The following BCAS3 variants were observed in gnomAD, a reference collection of about 807,000 sequenced individuals.
The protein encoded by BCAS3 is BCAS4/BCAS3 fusion.
In BCAS3, 53 loss-of-function variants were observed where a neutral mutation model predicts 116.1. The observed-to-expected ratio is 0.46, with a 90% CI of 0.37 to 0.57. The LOEUF (loss-of-function observed/expected upper bound fraction) is 0.57. BCAS3 is among the 20% of genes least tolerant of loss of function. The probability of loss-of-function intolerance (pLI) is 0.00; values close to 1 mark genes in which losing one functional copy is unlikely to be tolerated. For missense variants in BCAS3, 917 were observed against 1,165.4 expected (o/e 0.79, Z 3.10); for synonymous variants, 391 against 408.2 (o/e 0.96, Z 0.51).
rs376385000 is a variant in BCAS3, at chr17:61,256,518, G to A, written c.2426-111809G>A. Among the ~76,000 whole-genome samples the A allele has an allele frequency of 4.5e-4, 68 of 152,100 alleles. No individual in the cohort carries two copies. The South Asian group carries it at 1.0e-2, about 22-fold the overall frequency. Reference sequence around the variant, plus strand: ...AGGGTTTTGCCATGTTTGCCAGGCCGGTCTCAAACTCCTGGCCTCAAGTGA... The same window carrying A: ...AGGGTTTTGCCATGTTTGCCAGGCCAGTCTCAAACTCCTGGCCTCAAGTGA... On this transcript the variant is annotated intron_variant, in intron 22 of 23. Transcript: ENST00000407086. The surrounding 1 kb of genome is among the most constrained non-coding windows in gnomAD (Gnocchi z 5.6).
chr17:60,835,155 A>G (rs9907949), intron 7 of BCAS3, among the ~76,000 whole-genome samples: 28,587 of 151,884 alleles, frequency 0.19, 3,273 homozygotes, highest in African/African-American at 0.32. Context: ...TTAAATTCAT[A>G]TATCTTCCAA....
At chr17:61,163,381 G>A (rs939504697) in intron 22 of BCAS3, among the ~76,000 whole-genome samples, 2 of 150,226 alleles carry the variant, frequency 1.3e-5, no homozygotes, top group Non-Finnish European at 3.0e-5. Context: ...CCGAGATCAC[G>A]CCACTGCATT....
At position 61,324,306 on chromosome 17, in the gene BCAS3, G is replaced by A. The variant is rs1381637843; in HGVS notation, c.2426-44021G>A. Among the ~76,000 whole-genome samples the A allele has an allele frequency of 6.6e-6, 1 of 152,190 alleles. No homozygotes were observed. The highest frequency in any genetic ancestry group is 2.4e-5 in the African/African-American group (1 of 41,444). On this transcript the variant is annotated intron_variant, in intron 22 of 23. Coordinates refer to ENST00000407086, the MANE Select transcript of BCAS3 (RefSeq NM_017679.5). The surrounding 1 kb of genome is among the most constrained non-coding windows in gnomAD (Gnocchi z 4.6). ...TGAAACTGAAGCCTAGAGCTAATATGTGAGGTGATCACACAGAGGATACTA... is the reference window on the plus strand; with the variant it reads ...TGAAACTGAAGCCTAGAGCTAATATATGAGGTGATCACACAGAGGATACTA...
chr17:60,771,364 G>T (rs895830183), intron 6 of BCAS3, among the ~76,000 whole-genome samples: 2 of 152,106 alleles, frequency 1.3e-5, no homozygotes, highest in Admixed American at 6.5e-5. Flanking sequence ...ACGTAGAAAA[G>T]CCGTTCTCCT....
At chr17:60,765,249 AT>A (rs2043971874) in intron 6 of BCAS3, among the ~76,000 whole-genome samples, 1 of 152,054 alleles carries the variant, frequency 6.6e-6, no homozygotes, top group Non-Finnish European at 1.5e-5. Context: ...TTAGCTAGTT[AT>A]TTTGCCCATT....
At chr17:60,871,446 C>T (rs1024860963) in intron 8 of BCAS3, among the ~76,000 whole-genome samples, 1 of 152,172 alleles carries the variant, frequency 6.6e-6, no homozygotes, top group Admixed American at 6.5e-5. Context: ...GCATGAGCCA[C>T]TGTGCCCAAT....
chr17:60,986,573 A>AT (rs2063156189), intron 14 of BCAS3, among the ~76,000 whole-genome samples: 1 of 151,980 alleles, frequency 6.6e-6, no homozygotes, highest in African/African-American at 2.4e-5. Context: ...TGTAGTTTTG[A>AT]TTTTCATTTC....
At chr17:61,305,941 T>C (rs916477916) in intron 22 of BCAS3, among the ~76,000 whole-genome samples, 24 of 152,210 alleles carry the variant, frequency 1.6e-4, no homozygotes, top group Admixed American at 1.6e-3. Flanking sequence ...TCCCCTGTCT[T>C]GATCCCCTGG....
chr17:60,696,200 C>T (rs1309841587), intron 4 of BCAS3: 1 of 152,234 alleles, frequency 6.6e-6, no homozygotes, highest in Non-Finnish European at 1.5e-5. Flanking sequence ...TAGAATTGCT[C>T]AGCTGGTCAT....
chr17:60,752,169 T>TGC (rs2042535540), intron 6 of BCAS3, among the ~76,000 whole-genome samples: 1 of 151,766 alleles, frequency 6.6e-6, no homozygotes, highest in South Asian at 2.1e-4. Flanking sequence ...TGTGTGTGTG[T>TGC]GTGTGTGTGT....
rs578194501 is a variant in BCAS3 at position 60,971,212 on chromosome 17, T to C, written c.1222-18759T>C. ...GCATCTGTAGTCTGCGAGTGTTTAG[T>C]CTTCCTTGTGGCAGATGAGACCACT... is the stretch of plus-strand genomic sequence containing the variant. On this transcript the variant is annotated intron_variant, in intron 14 of 23. Transcript: ENST00000407086. Among the ~76,000 whole-genome samples the C allele has an allele frequency of 3.3e-5, 5 of 152,352 alleles. No individual in the cohort carries two copies. The East Asian group carries it at 9.6e-4, about 29-fold the overall frequency.
rs185198140 is a variant in BCAS3 at position 60,819,457 on chromosome 17, G to A, written c.476+11381G>A. ...TGTGTGAGATTATATTTCAGACTTT[G>A]TATATTTTCTTGTGATATTGAAATT... On this transcript the variant is annotated intron_variant, in intron 7 of 23. Coordinates refer to ENST00000407086, the MANE Select transcript of BCAS3 (RefSeq NM_017679.5). Among the ~76,000 whole-genome samples the A allele has an allele frequency of 2.0e-5, 3 of 152,224 alleles. No individual in the cohort carries two copies. In the East Asian group the frequency reaches 5.8e-4, roughly 29 times the overall value.
At chr17:61,252,105 C>T (rs548034005) in intron 22 of BCAS3, among the ~76,000 whole-genome samples, 1 of 152,260 alleles carries the variant, frequency 6.6e-6, no homozygotes, top group Admixed American at 6.5e-5. Context: ...AACGTATGCT[C>T]CAAAACTATA....
At chr17:60,839,915 A>G (rs1272364976) in intron 7 of BCAS3, among the ~76,000 whole-genome samples, 3 of 152,166 alleles carry the variant, frequency 2.0e-5, no homozygotes, top group Non-Finnish European at 4.4e-5. Flanking sequence ...ATTTTGTTTC[A>G]ATCTGTTAAA....
In BCAS3 at chr17:61,376,252, T is replaced by C. The variant is rs1193834552; in HGVS notation, c.2593+7758T>C. ...CTAAGTGAAAGGTGAGCCTCCTTTATGGGTCCTGGGTTAGCCACACTGTTC... is the reference window on the plus strand; with the variant it reads ...CTAAGTGAAAGGTGAGCCTCCTTTACGGGTCCTGGGTTAGCCACACTGTTC... On this transcript the variant is annotated intron_variant, in intron 23 of 23. Transcript: ENST00000407086. The surrounding 1 kb of genome is among the most constrained non-coding windows in gnomAD (Gnocchi z 4.5). 2.0e-5 allele frequency among the ~76,000 whole-genome samples: 3 copies of C among 152,214 alleles called. No individual in the cohort carries two copies. The highest frequency in any genetic ancestry group is 7.2e-5 in the African/African-American group (3 of 41,448).
chr17:60,870,226 C>T (rs2054984581), intron 8 of BCAS3, among the ~76,000 whole-genome samples: 1 of 152,166 alleles, frequency 6.6e-6, no homozygotes, highest in African/African-American at 2.4e-5. Context: ...GTGAATACTA[C>T]AACTAGAAAT....
At chr17:61,353,957 G>A (rs2058012530) in intron 22 of BCAS3, 1 of 152,280 alleles carries the variant, frequency 6.6e-6, no homozygotes, top group Non-Finnish European at 1.5e-5. Flanking sequence ...GCAAGACTAG[G>A]ACATGAGGCT....
intron 22 of BCAS3, among the ~76,000 whole-genome samples, chr17:61,169,863 C>A (rs1462156605): frequency 6.6e-6 from 1 of 152,038 alleles, no homozygotes; most frequent in Non-Finnish European, 1.5e-5. Flanking sequence ...ACATTATTTT[C>A]TTTTCTTTTG....
chr17:60,831,320 G>A (rs1295804474), intron 7 of BCAS3, among the ~76,000 whole-genome samples: 1 of 151,946 alleles, frequency 6.6e-6, no homozygotes, highest in Non-Finnish European at 1.5e-5. Flanking sequence ...GGGACTACAG[G>A]CGCGTGCCAC....
Sources: allele counts gnomAD v4.1 joint callset (sites outside exome capture counted in the v4.1 genomes callset), GRCh38; gene constraint gnomAD v4.1.1; non-coding constraint Gnocchi (gnomAD v3.1); transcripts MANE v1.5; gene names NCBI Gene and HGNC (gene_info 2026-07-23, HGNC 2026-07-21).